The following PCDH9 variants were observed in gnomAD, a reference collection of about 807,000 sequenced individuals.
The protein encoded by PCDH9 is protocadherin 9.
In PCDH9, 24 loss-of-function variants were observed where a neutral mutation model predicts 70.6. The observed-to-expected ratio is 0.34, with a 90% CI of 0.25 to 0.48. PCDH9 has a LOEUF of 0.48. Ranked by LOEUF, PCDH9 falls within the 20% of genes least tolerant of loss-of-function variation. PCDH9 has a pLI of 0.99. For synonymous variants in PCDH9, 562 were observed against 558.5 expected (o/e 1.01, Z -0.09); for missense variants, 1,281 against 1,503.6 (o/e 0.85, Z 2.45).
chr13:67,053,820 T>C (rs181933386), intron 2 of PCDH9, among the ~76,000 whole-genome samples: 1 of 152,246 alleles, frequency 6.6e-6, no homozygotes, highest in Admixed American at 6.5e-5. Flanking sequence ...ATTACTTGAA[T>C]AACACCTAGC....
chr13:66,764,588 T>G (rs1171021955), intron 3 of PCDH9, among the ~76,000 whole-genome samples: 1 of 152,062 alleles, frequency 6.6e-6, no homozygotes, highest in Non-Finnish European at 1.5e-5. Context: ...TTAAATTGTC[T>G]GGTTTCTAAG....
chr13:66,798,328 T>A (rs2080276237), intron 3 of PCDH9, among the ~76,000 whole-genome samples: 1 of 152,178 alleles, frequency 6.6e-6, no homozygotes, highest in Non-Finnish European at 1.5e-5. Context: ...CCACTGATTT[T>A]CTTGATCCAA....
chr13:66,603,470 G>A (rs1490134897), intron 4 of PCDH9, among the ~76,000 whole-genome samples: 3 of 151,874 alleles, frequency 2.0e-5, no homozygotes, highest in Non-Finnish European at 4.4e-5. Flanking sequence ...GTGATATTTA[G>A]TCTTTGAAAA....
chr13:66,760,926 C>T (rs1044875123), intron 3 of PCDH9, among the ~76,000 whole-genome samples: 4 of 152,068 alleles, frequency 2.6e-5, no homozygotes, highest in African/African-American at 9.7e-5. Context: ...TTGGAAAATT[C>T]CAGGCTGGTG....
At chr13:66,857,280 C>T (rs577548073) in intron 3 of PCDH9, among the ~76,000 whole-genome samples, 55 of 152,008 alleles carry the variant, frequency 3.6e-4, no homozygotes, top group Non-Finnish European at 6.9e-4. Flanking sequence ...GTATGTTTCA[C>T]GTTTGAAGTT....
intron 2 of PCDH9, among the ~76,000 whole-genome samples, chr13:67,151,884 A>G (rs973443324): frequency 6.6e-6 from 1 of 152,102 alleles, no homozygotes; most frequent in Admixed American, 6.6e-5. Flanking sequence ...ACCAAAGCTC[A>G]AATGCACTCA....
intron 2 of PCDH9, among the ~76,000 whole-genome samples, chr13:66,951,165 G>T (rs1471238557): frequency 6.6e-6 from 1 of 152,082 alleles, no homozygotes; most frequent in Non-Finnish European, 1.5e-5. Context: ...TGACGAAAGG[G>T]TTTAAGTACA....
chr13:66,836,731 A>G (rs948022096), intron 3 of PCDH9, among the ~76,000 whole-genome samples: 5 of 152,190 alleles, frequency 3.3e-5, no homozygotes, highest in African/African-American at 1.2e-4. Flanking sequence ...GTTTCCTAAT[A>G]AATCCATCAG....
chr13:66,339,068 C>T (rs10083260), intron 4 of PCDH9, among the ~76,000 whole-genome samples: 17 of 152,004 alleles, frequency 1.1e-4, no homozygotes, highest in Non-Finnish European at 1.3e-4. Flanking sequence ...TTTCAGGAGA[C>T]GAGTTTTTCA....
rs1176633838 is a variant in PCDH9 at position 67,055,894 on chromosome 13, T to A, written c.3037-152289A>T. Reference sequence around the variant, plus strand: ...AGGGCCAGGGACGGTGGCTTAAGCCTATGATACCAGCACTTTGGGAGTCTG... The same window carrying A: ...AGGGCCAGGGACGGTGGCTTAAGCCAATGATACCAGCACTTTGGGAGTCTG... On this transcript the variant is annotated intron_variant, in intron 2 of 4. Coordinates refer to ENST00000377865, the MANE Select transcript of PCDH9 (RefSeq NM_203487.3). Among the ~76,000 whole-genome samples the A allele has an allele frequency of 2.0e-5, 3 of 152,250 alleles. No individual in the cohort carries two copies. The East Asian group carries it at 5.8e-4, about 29-fold the overall frequency.
intron 3 of PCDH9, among the ~76,000 whole-genome samples, chr13:66,657,855 G>T (rs1460175346): frequency 6.6e-6 from 1 of 152,150 alleles, no homozygotes; most frequent in East Asian, 1.9e-4. Context: ...GCACATCAAA[G>T]AAATCTACAG....
chr13:66,903,131 A>T (rs2082304543), intron 3 of PCDH9, among the ~76,000 whole-genome samples: 1 of 151,892 alleles, frequency 6.6e-6, no homozygotes. Context: ...AATCGAATTA[A>T]CCTTTCAAAA....
At position 67,216,342 on chromosome 13, in the gene PCDH9, C is replaced by G. The variant is rs531097773; in HGVS notation, c.3036+9063G>C. On this transcript the variant is annotated intron_variant, in intron 2 of 4. Coordinates refer to ENST00000377865, the MANE Select transcript of PCDH9 (RefSeq NM_203487.3). ...TGAGTTTATGTCATACTAAAATATC[C>G]TAAAAATTGTGTCAATTTTTACTAT... 3 of 151,824 alleles carry G rather than the reference C, an allele frequency of 2.0e-5. No individual in the cohort carries two copies. The East Asian group carries it at 5.8e-4, about 30-fold the overall frequency. 9.4% of individuals were successfully genotyped at this position (151,824 alleles called of 1,614,324 possible).
chr13:66,534,145 A>G (rs538509666), intron 4 of PCDH9, among the ~76,000 whole-genome samples: 7 of 152,274 alleles, frequency 4.6e-5, no homozygotes, highest in African/African-American at 1.7e-4. Flanking sequence ...CTGATATAAC[A>G]ATATAACTTA....
intron 2 of PCDH9, among the ~76,000 whole-genome samples, chr13:67,120,561 G>T (rs9529190): frequency 0.92 from 140,068 of 152,196 alleles, 64,578 homozygotes; most frequent in East Asian, 0.98. Context: ...TTTTCTATAA[G>T]TACCCCTAGC....
chr13:66,704,367 A>G (rs1360320651), intron 3 of PCDH9, among the ~76,000 whole-genome samples: 1 of 152,220 alleles, frequency 6.6e-6, no homozygotes, highest in Non-Finnish European at 1.5e-5. Context: ...CTAAGCTGAC[A>G]TGAGCCACAA....
At chr13:66,535,692 C>T (rs1250288200) in intron 4 of PCDH9, among the ~76,000 whole-genome samples, 2 of 152,060 alleles carry the variant, frequency 1.3e-5, no homozygotes, top group African/African-American at 4.8e-5. Flanking sequence ...TATTATGCTT[C>T]CTAGAGGATC....
In PCDH9 at chr13:66,887,466, A is replaced by T. The variant is rs553932471; in HGVS notation, c.3138+16038T>A. Among the ~76,000 whole-genome samples the T allele has an allele frequency of 7.2e-5, 11 of 152,310 alleles. No individual in the cohort carries two copies. The East Asian group carries it at 2.1e-3, about 29-fold the overall frequency. On this transcript the variant is annotated intron_variant, in intron 3 of 4. Coordinates refer to ENST00000377865, the MANE Select transcript of PCDH9 (RefSeq NM_203487.3). ...GGAAAGGAAACACAAGTATATTTGTATAATGTGGAGATGTTAGTAAAGGCA... is the reference window on the plus strand; with the variant it reads ...GGAAAGGAAACACAAGTATATTTGTTTAATGTGGAGATGTTAGTAAAGGCA...
intron 4 of PCDH9, among the ~76,000 whole-genome samples, chr13:66,330,911 A>G (rs1177884131): frequency 6.6e-6 from 1 of 152,174 alleles, no homozygotes; most frequent in Non-Finnish European, 1.5e-5. Flanking sequence ...TTAGGCTCAC[A>G]TCTGACAGGC....
Sources: gnomAD v4.1 joint callset for allele counts (sites outside exome capture counted in the v4.1 genomes callset) on GRCh38, gnomAD v4.1.1 for gene constraint, MANE v1.5 for transcripts, NCBI Gene and HGNC (gene_info 2026-07-23, HGNC 2026-07-21) for gene names.